Variants in ART3 observed in about 807,000 individuals in gnomAD.
ART3 encodes ecto-ADP-ribosyltransferase 3.
ART3 carries 49 observed loss-of-function variants against 48.5 expected under a neutral mutation model. The observed-to-expected ratio is 1.01, with a 90% CI of 0.80 to 1.28. The LOEUF (loss-of-function observed/expected upper bound fraction) is 1.28, where lower values mean the gene tolerates loss of function less well. Among genes scored for constraint, ART3 ranks in the 50% most tolerant of loss-of-function variants. The pLI, the probability that ART3 is intolerant of heterozygous loss-of-function variation, is 0.00. For missense variants in ART3, 438 were observed against 454.3 expected (o/e 0.96, Z 0.33); for synonymous variants, 145 against 157.2 (o/e 0.92, Z 0.58).
intron 1 of ART3, chr4:76,034,902 G>T: frequency 7.3e-7 from 1 of 1,376,994 alleles, no homozygotes; most frequent in Non-Finnish European, 1.0e-6. Context: ...AGAAGGGGAA[G>T]CTGTTACAAC....
intron 2 of ART3, among the ~76,000 whole-genome samples, chr4:76,079,203 G>A (rs78398520): frequency 2.0e-5 from 3 of 149,502 alleles, no homozygotes; most frequent in Non-Finnish European, 4.4e-5. Context: ...AAGGCGGGGG[G>A]CTAATAATAG....
chr4:76,022,745 A>G (rs1390990135), intron 1 of ART3: 6 of 1,613,758 alleles, frequency 3.7e-6, no homozygotes, highest in South Asian at 1.1e-5. Flanking sequence ...AAGTTTTTCT[A>G]AAGACCTTGG....
In ART3 at chr4:76,082,153, C is replaced by G. The variant is rs373658035; in HGVS notation, c.399C>G (p.Phe133Leu). Residue 133 changes from phenylalanine (F) to leucine (L), a missense_variant, in exon 3 of 12, where the codon TTC (phenylalanine) becomes TTG (leucine). Transcript: ENST00000355810. ...GQSREDYIYG[F>L]QFKAFHFYLT... ...CTCGAGAAGATTATATCTATGGCTT[C>G]CAGTTCAAAGCTTTCCACTTTTACC... 1.2e-4 allele frequency: 191 copies of G among 1,614,058 alleles called. No individual in the cohort carries two copies. Among genetic ancestry groups the G allele is most frequent in the Non-Finnish European group, 1.5e-4 (180 of 1,180,042 alleles).
intron 1 of ART3, chr4:76,036,124 C>G: frequency 1.5e-6 from 1 of 678,294 alleles, no homozygotes; most frequent in Non-Finnish European, 2.5e-6. Flanking sequence ...ACCAGCAATC[C>G]TTTTATGGCA....
chr4:76,098,324 A>C (rs1261360516), intron 4 of ART3, among the ~76,000 whole-genome samples: 1 of 152,192 alleles, frequency 6.6e-6, no homozygotes, highest in African/African-American at 2.4e-5. Flanking sequence ...AATTAAAGAT[A>C]CCAAAAATGC....
At chr4:76,100,493 T>C (rs969538242) in intron 6 of ART3, among the ~76,000 whole-genome samples, 173 bp downstream of exon 6, 1 of 152,050 alleles carries the variant, frequency 6.6e-6, no homozygotes, top group Non-Finnish European at 1.5e-5. Flanking sequence ...TAGCTGGGCG[T>C]GGTGGCACAT....
chr4:76,028,302 T>C (rs1733590382), intron 1 of ART3, among the ~76,000 whole-genome samples: 1 of 152,260 alleles, frequency 6.6e-6, no homozygotes, highest in Non-Finnish European at 1.5e-5. Context: ...TCTCTCAATT[T>C]TTGCAACGTT....
intron 1 of ART3, among the ~76,000 whole-genome samples, chr4:76,064,752 A>C (rs1719550710): frequency 6.6e-6 from 1 of 152,196 alleles, no homozygotes; most frequent in Admixed American, 6.5e-5. Context: ...AGAATATTGA[A>C]AGTGGATGCT....
chr4:76,011,309 T>TG (rs1294504510), exon 1 of ART3: 2 of 152,444 alleles, frequency 1.3e-5, no homozygotes, highest in Non-Finnish European at 2.9e-5. Context: ...AGAAGCACTT[T>TG]GGGGGCAAAA....
At position 76,107,794 on chromosome 4, in the gene ART3, G is replaced by C; in HGVS notation, c.1036+1G>C. ...AGTCAAGGAAATATCAACAATCCTA[G>C]TAAGAAGTATCTCATTTCCTCAGTT... On this transcript the variant is annotated splice_donor_variant, in intron 11 of 11. Coordinates refer to ENST00000355810, the MANE Select transcript of ART3 (RefSeq NM_001130016.3). LOFTEE classifies it high-confidence loss of function. The C allele has an allele frequency of 6.8e-7, 1 of 1,473,148 alleles. No homozygotes were observed. Among genetic ancestry groups the C allele is most frequent in the Non-Finnish European group, 9.2e-7 (1 of 1,086,740 alleles). 91.3% of individuals were successfully genotyped at this position (1,473,148 alleles called of 1,614,324 possible). A position where few individuals can be genotyped will look rare whatever the true frequency, so the allele number is the denominator to read the frequency against.
chr4:76,014,457 A>G (rs375062942), intron 1 of ART3, among the ~76,000 whole-genome samples: 3 of 152,236 alleles, frequency 2.0e-5, no homozygotes, highest in African/African-American at 7.2e-5. Flanking sequence ...AGAAGAAAGA[A>G]TCTGCAAATC....
chr4:76,065,582 T>C (rs375298819), intron 1 of ART3, among the ~76,000 whole-genome samples: 1 of 68,260 alleles, frequency 1.5e-5, no homozygotes, highest in South Asian at 4.4e-4. Flanking sequence ...CACACACTCG[T>C]TGAAATCATT....
At chr4:76,039,309 A>T (rs1455378904) in intron 1 of ART3, among the ~76,000 whole-genome samples, 1 of 152,202 alleles carries the variant, frequency 6.6e-6, no homozygotes, top group African/African-American at 2.4e-5. Flanking sequence ...CATGTTGGCC[A>T]GGCTGGTCTC....
intron 3 of ART3, among the ~76,000 whole-genome samples, chr4:76,094,847 A>G (rs1312393763): frequency 1.3e-5 from 2 of 152,208 alleles, no homozygotes; most frequent in Admixed American, 1.3e-4. Context: ...CTGTCTATAA[A>G]AATTGAATTA....
intron 1 of ART3, among the ~76,000 whole-genome samples, chr4:76,068,095 G>A (rs1050088398): frequency 1.3e-5 from 2 of 152,106 alleles, no homozygotes; most frequent in African/African-American, 4.8e-5. Context: ...TATATATCTG[G>A]GGGTACACAA....
intron 1 of ART3, among the ~76,000 whole-genome samples, chr4:76,027,301 G>A (rs746953305): frequency 6.6e-6 from 1 of 152,096 alleles, no homozygotes; most frequent in Non-Finnish European, 1.5e-5. Context: ...TACCAAATGA[G>A]TGGTATAGAA....
chr4:76,027,218 A>T, intron 1 of ART3, among the ~76,000 whole-genome samples: 1 of 152,194 alleles, frequency 6.6e-6, no homozygotes, highest in Admixed American at 6.5e-5. Flanking sequence ...ACGCCATTGC[A>T]CTCTAGCCTG....
At chr4:76,080,959 G>A (rs879799610) in intron 2 of ART3, among the ~76,000 whole-genome samples, 2 of 152,124 alleles carry the variant, frequency 1.3e-5, no homozygotes, top group Non-Finnish European at 2.9e-5. Context: ...TGCTTCTTAT[G>A]TTATGTGAAC....
chr4:76,021,720 T>C lies in ART3; in HGVS notation c.-10+10400T>C, dbSNP rs920709283. The C allele has an allele frequency of 2.0e-5, 12 of 599,214 alleles. No individual in the cohort carries two copies. The African/African-American group carries it at 2.0e-4, about 10-fold the overall frequency. The allele number at this position is 599,214 out of a possible 1,614,324, so 37.1% of individuals were successfully genotyped here. A position where few individuals can be genotyped will look rare whatever the true frequency, so the allele number is the denominator to read the frequency against. ...ACATTATAGTGCCAGGGTAGAGTTA[T>C]TACTGAATAGCTTAGGATGATGAAC... is the stretch of plus-strand genomic sequence containing the variant. On this transcript the variant is annotated intron_variant, in intron 1 of 9. Coordinates refer to the ART3 transcript ENST00000341029.
Sources: gnomAD v4.1 joint callset for allele counts (sites outside exome capture counted in the v4.1 genomes callset) on GRCh38, gnomAD v4.1.1 for gene constraint, MANE v1.5 for transcripts, NCBI Gene and HGNC (gene_info 2026-07-23, HGNC 2026-07-21) for gene names.